CABP2: variants seen among roughly 807,000 people sequenced by gnomAD.
The protein encoded by CABP2 is calcium-binding protein 2.
In CABP2, 25 loss-of-function variants were observed where a neutral mutation model predicts 28.6. The ratio of observed to expected loss-of-function variants is 0.87; its 90% CI spans 0.64 to 1.22. The LOEUF (loss-of-function observed/expected upper bound fraction) is 1.22, where lower values mean the gene tolerates loss of function less well. CABP2 is among the 50% of genes most tolerant of loss of function. CABP2 has a pLI of 0.00. For synonymous variants in CABP2, 138 were observed against 126.0 expected (o/e 1.09, Z -0.64); for missense variants, 310 against 312.2 (o/e 0.99, Z 0.05).
chr11:67,519,294 A>G, intron 6 of CABP2, 130 bp from the exon 7 acceptor site: 1 of 843,024 alleles, frequency 1.2e-6, no homozygotes, highest in South Asian at 1.4e-5. Context: ...TCTGGATCTG[A>G]TAGGGAATAG....
intron 3 of CABP2, 106 bp from the exon 4 acceptor site, chr11:67,521,265 G>A: frequency 8.3e-7 from 1 of 1,211,056 alleles, no homozygotes; most frequent in Non-Finnish European, 1.1e-6. Context: ...CTGAACATCA[G>A]ATTCTCTTTG....
rs1211515435 is a variant in CABP2 at position 67,519,139 on chromosome 11, T to G, written c.663A>C (p.Ter221CysextTer24). The G allele has an allele frequency of 1.2e-6, 2 of 1,613,416 alleles. No individual in the cohort carries two copies. The highest frequency in any genetic ancestry group is 1.7e-6 in the Non-Finnish European group (2 of 1,179,790). The change falls in exon 7 of 7, where the codon TGA (stop) becomes TGC (cysteine). Residue 221 changes from the stop codon to cysteine (C), a stop_lost. Coordinates refer to ENST00000294288, the MANE Select transcript of CABP2 (RefSeq NM_016366.3). ...TGCTGCCTCCAGCTTCTGTACAGGC[T>G]CACCGAGACATCATTCGCACAAACT... ...FEEFVRMMSR[*>C]
In CABP2 at chr11:67,519,941, C is replaced by A; in HGVS notation, c.490-1G>T. On this transcript the variant is annotated splice_acceptor_variant, in intron 5 of 6. Coordinates refer to ENST00000294288, the MANE Select transcript of CABP2 (RefSeq NM_016366.3). LOFTEE classifies it high-confidence loss of function. ...TGCGGCCGTCCCCATTGGTGTCGAACTGTGGCGGCGTTGGTTGTGGCGTCT... is the reference window on the plus strand; with the variant it reads ...TGCGGCCGTCCCCATTGGTGTCGAAATGTGGCGGCGTTGGTTGTGGCGTCT... 6.2e-7 allele frequency: 1 copy of A among 1,605,466 alleles called. No individual in the cohort carries two copies.
chr11:67,520,222 C>T, intron 4 of CABP2, 62 bp from the exon 5 acceptor site: 2 of 1,000,212 alleles, frequency 2.0e-6, no homozygotes. Flanking sequence ...CCTGGCCCTC[C>T]CTCCTCTGCC....
chr11:67,521,921 C>T (rs1317456714), intron 3 of CABP2, 31 bp downstream of exon 3: 1 of 1,513,248 alleles, frequency 6.6e-7, no homozygotes, highest in Admixed American at 1.7e-5. Context: ...ACCTCCCCTT[C>T]AGGGAACCAG....
In CABP2 at chr11:67,520,041, G is replaced by T. The variant is rs762453427; in HGVS notation, c.489+10C>A. ...GCAGCCCTGCCCGCCCTCAGCCCCA[G>T]TGGCCGCACCTCCCGGAAGGCGTCC... On this transcript the variant is annotated intron_variant, in intron 5 of 6. Transcript: ENST00000294288. 74 of 1,610,454 alleles carry T rather than the reference G, an allele frequency of 4.6e-5. No homozygotes were observed. Among genetic ancestry groups the T allele is most frequent in the Non-Finnish European group, 6.1e-5 (72 of 1,179,226 alleles).
At chr11:67,520,642 A>C (rs1866733384) in intron 4 of CABP2, among the ~76,000 whole-genome samples, 1 of 152,168 alleles carries the variant, frequency 6.6e-6, no homozygotes, top group Non-Finnish European at 1.5e-5. Flanking sequence ...GTGACAGAAA[A>C]AGACCCCATC....
chr11:67,519,285 C>A, intron 6 of CABP2, 121 bp from the exon 7 acceptor site: 1 of 944,184 alleles, frequency 1.1e-6, no homozygotes, highest in African/African-American at 1.6e-5. Context: ...AGGGCATCCT[C>A]TGGATCTGAT....
rs951557794 is a variant in CABP2 at position 67,522,056 on chromosome 11, C to T, written c.214-74G>A. On this transcript the variant is annotated intron_variant, in intron 2 of 6. Transcript: ENST00000294288. ...TGCCCTTCCTTCTTGCTTCCCGGGGCTCCCCACCCAGCCCCACAATCCAAC... is the reference window on the plus strand; with the variant it reads ...TGCCCTTCCTTCTTGCTTCCCGGGGTTCCCCACCCAGCCCCACAATCCAAC... 19 of 1,386,294 alleles carry T rather than the reference C, an allele frequency of 1.4e-5. No homozygotes were observed. The African/African-American group carries it at 2.7e-4, about 20-fold the overall frequency. 85.9% of individuals were successfully genotyped at this position (1,386,294 alleles called of 1,614,324 possible).
At chr11:67,519,342 G>A (rs934035452) in intron 6 of CABP2, among the ~76,000 whole-genome samples, 178 bp from the exon 7 acceptor site, 20 of 152,270 alleles carry the variant, frequency 1.3e-4, no homozygotes, top group Middle Eastern at 3.4e-3. Context: ...GTCTTATGGG[G>A]GAAAAACAAA....
At chr11:67,522,520 G>A (rs1254994274) in intron 2 of CABP2, 26 bp downstream of exon 2, 3 of 1,552,830 alleles carry the variant, frequency 1.9e-6, no homozygotes, top group Non-Finnish European at 1.7e-6. Context: ...GGGCAGGCAG[G>A]CTGGCGGGCG....
chr11:67,521,852 C>T, intron 3 of CABP2, 100 bp downstream of exon 3: 1 of 1,031,026 alleles, frequency 9.7e-7, no homozygotes, highest in South Asian at 1.4e-5. Context: ...CCTGGAAACA[C>T]TGAGGCCCCC....
chr11:67,522,089 C>T lies in CABP2; in HGVS notation c.214-107G>A, dbSNP rs1866756065. 2.7e-5 allele frequency: 26 copies of T among 968,772 alleles called. 1 individual carries two copies. In the Admixed American group the frequency reaches 2.9e-4, roughly 11 times the overall value. 60.0% of individuals were successfully genotyped at this position (968,772 alleles called of 1,614,324 possible). ...CCAGCCCCACAATCCAACACGCACA[C>T]GCAGGGCCTGTGTCTGTCTGATTGC... On this transcript the variant is annotated intron_variant, in intron 2 of 6. Transcript: ENST00000294288.
chr11:67,523,270 C>T lies in CABP2; in HGVS notation c.42+15G>A. 1.3e-6 allele frequency: 2 copies of T among 1,549,054 alleles called. No homozygotes were observed. The highest frequency in any genetic ancestry group is 1.4e-5 in the African/African-American group (1 of 73,338). On this transcript the variant is annotated intron_variant, in intron 1 of 6. Transcript: ENST00000294288. ...CCAGCCTCCTGGCCTGGGTTTCTCC[C>T]CTGACCCCTCCTACCTTAGGGCCCC... is the stretch of plus-strand genomic sequence containing the variant.
intron 1 of CABP2, 101 bp from the exon 2 acceptor site, chr11:67,522,817 G>T: frequency 8.9e-7 from 1 of 1,118,040 alleles, no homozygotes; most frequent in African/African-American, 1.6e-5. Flanking sequence ...TTTGGAGCCC[G>T]GCATGGGACA....
In CABP2 at chr11:67,519,845, G is replaced by T. The variant is rs753451816; in HGVS notation, c.585C>A (p.Asp195Glu). 6.2e-7 allele frequency: 1 copy of T among 1,614,028 alleles called. No individual in the cohort carries two copies. The highest frequency in any genetic ancestry group is 1.7e-5 in the Admixed American group (1 of 60,034). Residue 195 changes from aspartate to glutamate, a missense_variant, in exon 6 of 7, where the codon GAC (aspartate) becomes GAA (glutamate). By Grantham distance (45) the Asp-to-Glu change is conservative. Coordinates refer to ENST00000294288, the MANE Select transcript of CABP2 (RefSeq NM_016366.3). ...LGERLSQREVDEILQDVDLNG... is the reference protein window; with the variant it reads ...LGERLSQREVEEILQDVDLNG... ...TGAGGTCCACGTCCTGGAGGATCTC[G>T]TCCACCTCCCGCTGGCTGAGGCGCT...
Position 67,520,090 on chromosome 11 carries a change from GTCTGCCGTC to G in CABP2, c.441_449del (p.Glu147_Ala149del). ...CCCGTAGCTCCCGGACACCGATCAT[GTCTGCCGTC>G]TCTGCCAGCAGCTTGGGGCCCATCA... On this transcript the variant is annotated inframe_deletion, in exon 5 of 7. Coordinates refer to ENST00000294288, the MANE Select transcript of CABP2 (RefSeq NM_016366.3). 1 of 1,613,790 alleles carries G rather than the reference GTCTGCCGTC, an allele frequency of 6.2e-7. No homozygotes were observed. The highest frequency in any genetic ancestry group is 8.5e-7 in the Non-Finnish European group (1 of 1,179,972).
chr11:67,520,083 C>A lies in CABP2; in HGVS notation c.457G>T (p.Gly153Cys). ...AAGGCGTCCCGTAGCTCCCGGACAC[C>A]GATCATGTCTGCCGTCTCTGCCAGC... is the stretch of plus-strand genomic sequence containing the variant. Reference protein sequence around the residue: ...KLLAETADMIGVRELRDAFRE... With the variant: ...KLLAETADMICVRELRDAFRE... Residue 153 changes from glycine (G) to cysteine (C), a missense_variant, in exon 5 of 7, where the codon GGT (glycine) becomes TGT (cysteine). Coordinates refer to ENST00000294288, the MANE Select transcript of CABP2 (RefSeq NM_016366.3). The A allele has an allele frequency of 6.2e-7, 1 of 1,613,672 alleles. No individual in the cohort carries two copies. The highest frequency in any genetic ancestry group is 1.3e-5 in the African/African-American group (1 of 75,032).
chr11:67,520,328 C>T (rs1006904323), intron 4 of CABP2, among the ~76,000 whole-genome samples, 168 bp from the exon 5 acceptor site: 8 of 152,144 alleles, frequency 5.3e-5, no homozygotes, highest in Non-Finnish European at 1.2e-4. Context: ...CCAAACAAGG[C>T]ACAGATTTGG....
Sources: gnomAD v4.1 joint callset for allele counts (sites outside exome capture counted in the v4.1 genomes callset) on GRCh38, gnomAD v4.1.1 for gene constraint, MANE v1.5 for transcripts, NCBI Gene and HGNC (gene_info 2026-07-23, HGNC 2026-07-21) for gene names.